Variants in PEX14 observed in about 807,000 individuals in gnomAD.
The protein encoded by PEX14 is peroxisomal biogenesis factor 14.
Under a neutral mutation model 49.5 loss-of-function variants are expected in PEX14, and 15 were observed. The ratio of observed to expected loss-of-function variants is 0.30; its 90% CI spans 0.20 to 0.47. The LOEUF (loss-of-function observed/expected upper bound fraction) is 0.47. Among genes scored for constraint, PEX14 ranks in the 20% least tolerant of loss-of-function variants. The probability of loss-of-function intolerance (pLI) is 1.00; values close to 1 mark genes in which losing one functional copy is unlikely to be tolerated. For missense variants in PEX14, 398 were observed against 494.8 expected, an observed-to-expected ratio of 0.80 and a Z score of 1.86; for synonymous variants, 210 against 212.7, an observed-to-expected ratio of 0.99 and a Z score of 0.11.
intron 5 of PEX14, among the ~76,000 whole-genome samples, chr1:10,621,009 C>T (rs1212370835): frequency 2.6e-5 from 4 of 152,162 alleles, no homozygotes; most frequent in Admixed American, 2.0e-4. Flanking sequence ...TGTGGCCTGA[C>T]GGGAGCGGGA....
intron 2 of PEX14, among the ~76,000 whole-genome samples, chr1:10,521,445 A>G (rs1638292570): frequency 6.6e-6 from 1 of 152,218 alleles, no homozygotes; most frequent in Non-Finnish European, 1.5e-5. Context: ...TTAGGTTTTA[A>G]AAAGATTTTT....
chr1:10,590,373 G>C (rs1421690933), intron 3 of PEX14, among the ~76,000 whole-genome samples: 1 of 152,188 alleles, frequency 6.6e-6, no homozygotes, highest in Non-Finnish European at 1.5e-5. Flanking sequence ...TTTTGAGTGA[G>C]GGGTGGAAAT....
intron 2 of PEX14, among the ~76,000 whole-genome samples, chr1:10,505,431 C>T (rs1755594): frequency 0.48 from 72,985 of 152,122 alleles, 20,020 homozygotes; most frequent in Non-Finnish European, 0.63. Context: ...GGTGACAGAG[C>T]GAGACCTGTC....
intron 1 of PEX14, among the ~76,000 whole-genome samples, chr1:10,491,516 AC>A (rs1475169520): frequency 1.3e-5 from 2 of 150,150 alleles, no homozygotes; most frequent in African/African-American, 4.9e-5. Context: ...TATAGGATGC[AC>A]CACCACACCC....
At chr1:10,484,279 T>C (rs1641331385) in intron 1 of PEX14, among the ~76,000 whole-genome samples, 1 of 151,504 alleles carries the variant, frequency 6.6e-6, no homozygotes, top group Non-Finnish European at 1.5e-5. Flanking sequence ...CTCAAATGAT[T>C]TGCCCACCTC....
In PEX14 at chr1:10,545,553, A is replaced by G. The variant is rs533413552; in HGVS notation, c.169+9256A>G. 4.6e-5 allele frequency among the ~76,000 whole-genome samples: 7 copies of G among 152,344 alleles called. No individual in the cohort carries two copies. In the South Asian group the frequency reaches 1.2e-3, roughly 27 times the overall value. On this transcript the variant is annotated intron_variant, in intron 3 of 8. Transcript: ENST00000356607. ...GACTTTGGAAATATTCTTAAGAGTG[A>G]CTAAATAATAGGTCATGTTTGGACT...
At chr1:10,543,262 G>T (rs1386674786) in intron 3 of PEX14, among the ~76,000 whole-genome samples, 1 of 152,242 alleles carries the variant, frequency 6.6e-6, no homozygotes, top group African/African-American at 2.4e-5. Flanking sequence ...AGCCTCCCGA[G>T]TAACTGGGAT....
chr1:10,487,877 T>G (rs988498799), intron 1 of PEX14, among the ~76,000 whole-genome samples: 3 of 152,006 alleles, frequency 2.0e-5, no homozygotes, highest in Admixed American at 2.0e-4. Flanking sequence ...GCCTCCTGGG[T>G]TCAAGGGATT....
At chr1:10,603,187 G>GT (rs1641035076) in intron 4 of PEX14, among the ~76,000 whole-genome samples, 1 of 152,204 alleles carries the variant, frequency 6.6e-6, no homozygotes, top group Admixed American at 6.5e-5. Context: ...TGCCCAAATA[G>GT]TAACAGTTCA....
At position 10,573,931 on chromosome 1, in the gene PEX14, T is replaced by C. The variant is rs1306146232; in HGVS notation, c.170-25307T>C. Among the ~76,000 whole-genome samples the C allele has an allele frequency of 2.6e-5, 4 of 152,152 alleles. No individual in the cohort carries two copies. In the East Asian group the frequency reaches 7.7e-4, roughly 29 times the overall value. Reference sequence around the variant, plus strand: ...GCCTGGTTAACATGGTGAAACCCCATCTCTACTAAAAGTACAAAAATTAAC... The same window carrying C: ...GCCTGGTTAACATGGTGAAACCCCACCTCTACTAAAAGTACAAAAATTAAC... On this transcript the variant is annotated intron_variant, in intron 3 of 8. Coordinates refer to ENST00000356607, the MANE Select transcript of PEX14 (RefSeq NM_004565.3).
At chr1:10,499,705 C>T (rs570905353) in intron 2 of PEX14, among the ~76,000 whole-genome samples, 6 of 152,242 alleles carry the variant, frequency 3.9e-5, no homozygotes, top group African/African-American at 1.4e-4. Flanking sequence ...CCTTGGCCTC[C>T]CAAAGTGCTG....
intron 2 of PEX14, among the ~76,000 whole-genome samples, chr1:10,517,846 A>G (rs1208860259): frequency 6.6e-6 from 1 of 152,080 alleles, no homozygotes; most frequent in Non-Finnish European, 1.5e-5. Flanking sequence ...GTATTTGAAA[A>G]AAATTAAATA....
At chr1:10,625,853 T>C (rs1641730027) in intron 7 of PEX14, among the ~76,000 whole-genome samples, 1 of 152,162 alleles carries the variant, frequency 6.6e-6, no homozygotes. Flanking sequence ...GTGAGAGGGG[T>C]TGGGCCCCTC....
At chr1:10,492,271 T>A (rs967907450) in intron 1 of PEX14, among the ~76,000 whole-genome samples, 1 of 152,208 alleles carries the variant, frequency 6.6e-6, no homozygotes, top group Non-Finnish European at 1.5e-5. Context: ...TGGAAACAAT[T>A]CATAGTGATT....
chr1:10,605,893 G>T (rs1355654119), intron 4 of PEX14, among the ~76,000 whole-genome samples: 2 of 152,204 alleles, frequency 1.3e-5, no homozygotes, highest in African/African-American at 4.8e-5. Context: ...CCATTTTGTT[G>T]CTGTGTGTTC....
At chr1:10,590,005 C>T (rs1201025400) in intron 3 of PEX14, among the ~76,000 whole-genome samples, 1 of 152,134 alleles carries the variant, frequency 6.6e-6, no homozygotes, top group Non-Finnish European at 1.5e-5. Flanking sequence ...TGGAATATTC[C>T]ACCCCCGCCC....
chr1:10,475,898 A>C (rs1244798233), intron 1 of PEX14, among the ~76,000 whole-genome samples: 1 of 152,212 alleles, frequency 6.6e-6, no homozygotes, highest in Non-Finnish European at 1.5e-5. Flanking sequence ...TATGAAGTGC[A>C]GGCTACTAAC....
chr1:10,574,349 G>T (rs1640062865), intron 3 of PEX14, among the ~76,000 whole-genome samples: 1 of 152,236 alleles, frequency 6.6e-6, no homozygotes, highest in Non-Finnish European at 1.5e-5. Flanking sequence ...AGTTGTAGTG[G>T]CCCCTCTGGA....
intron 2 of PEX14, among the ~76,000 whole-genome samples, chr1:10,515,897 G>A (rs1193555731): frequency 2.6e-5 from 4 of 152,228 alleles, no homozygotes; most frequent in South Asian, 4.1e-4. Context: ...GAGCAGAAAC[G>A]ATATCCTATA....
Sources: gnomAD v4.1 joint callset for allele counts (sites outside exome capture counted in the v4.1 genomes callset) on GRCh38, gnomAD v4.1.1 for gene constraint, MANE v1.5 for transcripts, NCBI Gene and HGNC (gene_info 2026-07-23, HGNC 2026-07-21) for gene names.